CCDC171: variants seen among roughly 807,000 people sequenced by gnomAD.
CCDC171 encodes coiled-coil domain-containing protein 171.
CCDC171 carries 177 observed loss-of-function variants against 168.2 expected under a neutral mutation model. The observed-to-expected ratio is 1.05, with a 90% CI of 0.93 to 1.19. The LOEUF (loss-of-function observed/expected upper bound fraction) is 1.19, where lower values mean the gene tolerates loss of function less well. Ranked by LOEUF, CCDC171 falls within the 50% of genes most tolerant of loss-of-function variation. The probability of loss-of-function intolerance (pLI) is 0.00; values close to 1 mark genes in which losing one functional copy is unlikely to be tolerated. For synonymous variants in CCDC171, 687 were observed against 540.8 expected (o/e 1.27, Z -3.75); for missense variants, 1,991 against 1,539.0 (o/e 1.29, Z -4.91).
intron 1 of CCDC171, among the ~76,000 whole-genome samples, chr9:15,555,070 T>G (rs2038677401): frequency 6.6e-6 from 1 of 152,116 alleles, no homozygotes; most frequent in Non-Finnish European, 1.5e-5. Context: ...GTAGAAAAAT[T>G]TTTTACCAGT....
rs775923053 is a variant in CCDC171 at position 15,777,783 on chromosome 9, C to T, written c.2855C>T (p.Thr952Ile). ...RLAHGLHKVN[T>I]LALKYGLRGH... ...GCCCATGGACTTCATAAAGTAAACA[C>T]ACTGGCCCTGAAATATGGTTTGCGT... is the stretch of plus-strand genomic sequence containing the variant. Residue 952 changes from threonine to isoleucine, a missense_variant, in exon 19 of 26, where the codon ACA (threonine) becomes ATA (isoleucine). Transcript: ENST00000380701. The T allele has an allele frequency of 1.2e-5, 20 of 1,613,090 alleles. 1 individual carries two copies. The South Asian group carries it at 2.1e-4, about 17-fold the overall frequency.
intron 6 of CCDC171, among the ~76,000 whole-genome samples, chr9:15,599,809 T>C (rs1587301285): frequency 6.6e-6 from 1 of 152,322 alleles, no homozygotes; most frequent in East Asian, 1.9e-4. Context: ...TTTGGTCTTT[T>C]CACATAGCCC....
intron 3 of CCDC171, among the ~76,000 whole-genome samples, chr9:15,998,870 C>G (rs1832448379): frequency 6.6e-6 from 1 of 152,178 alleles, no homozygotes. Context: ...AAAACTCTTC[C>G]TCTATCAGAA....
At chr9:16,045,464 A>T (rs1025669108) in intron 1 of CCDC171, among the ~76,000 whole-genome samples, 5 of 151,908 alleles carry the variant, frequency 3.3e-5, no homozygotes, top group Non-Finnish European at 7.4e-5. Flanking sequence ...TGCTGGTAGC[A>T]CTCCTTCCTT....
chr9:15,615,664 T>G (rs1266587918), intron 6 of CCDC171, among the ~76,000 whole-genome samples: 8 of 152,190 alleles, frequency 5.3e-5, no homozygotes, highest in Admixed American at 5.2e-4. Flanking sequence ...AAAAAAGGAT[T>G]AAATTTAAAC....
intron 7 of CCDC171, among the ~76,000 whole-genome samples, chr9:15,646,432 C>T (rs543674796): frequency 6.6e-6 from 1 of 152,274 alleles, no homozygotes; most frequent in South Asian, 2.1e-4. Flanking sequence ...GGGCTAAATG[C>T]TCCAATTAAA....
rs572814325 is a variant in CCDC171, at chr9:15,821,918, A to C, written c.3268-24784A>C. Among the ~76,000 whole-genome samples, 4 of 150,116 alleles carry C rather than the reference A, an allele frequency of 2.7e-5. 1 individual carries two copies. The highest frequency in any genetic ancestry group is 2.0e-4 in the East Asian group (1 of 5,116). ...AGAACAAAGCTGGAGGCATCACGCT[A>C]CCTGACTTCAAACTATACAACAAGG... On this transcript the variant is annotated intron_variant, in intron 21 of 25. Transcript: ENST00000380701.
At chr9:15,593,527 G>A (rs2042139933) in intron 5 of CCDC171, among the ~76,000 whole-genome samples, 1 of 151,926 alleles carries the variant, frequency 6.6e-6, no homozygotes, top group Admixed American at 6.6e-5. Flanking sequence ...TTGTTGCACA[G>A]AATTCTTTTC....
chr9:15,620,707 G>C (rs1355732504), intron 6 of CCDC171, among the ~76,000 whole-genome samples: 1 of 152,230 alleles, frequency 6.6e-6, no homozygotes, highest in Non-Finnish European at 1.5e-5. Context: ...AGGTTCTACT[G>C]CTAGTAAAAT....
At chr9:16,001,627 A>G (rs1350550241) in intron 3 of CCDC171, among the ~76,000 whole-genome samples, 1 of 152,132 alleles carries the variant, frequency 6.6e-6, no homozygotes, top group East Asian at 1.9e-4. Flanking sequence ...TGGTGGTCCC[A>G]TAAGATTATA....
chr9:15,870,428 T>C (rs1005641385), intron 23 of CCDC171, among the ~76,000 whole-genome samples: 4 of 151,910 alleles, frequency 2.6e-5, no homozygotes, highest in Admixed American at 6.6e-5. Context: ...AAAAGGTTTA[T>C]TTTGAAGCAT....
At chr9:16,006,853 C>T (rs1328302481) in intron 3 of CCDC171, among the ~76,000 whole-genome samples, 1 of 152,148 alleles carries the variant, frequency 6.6e-6, no homozygotes, top group Non-Finnish European at 1.5e-5. Context: ...TGGGTTGGTT[C>T]CAAGTCTTTG....
intron 3 of CCDC171, among the ~76,000 whole-genome samples, chr9:15,979,878 T>G (rs1831740605): frequency 6.6e-6 from 1 of 152,086 alleles, no homozygotes; most frequent in Admixed American, 6.6e-5. Flanking sequence ...TTGAACATAC[T>G]TAGAATTTAT....
intron 24 of CCDC171, among the ~76,000 whole-genome samples, chr9:15,896,767 G>C (rs1820961732): frequency 6.6e-6 from 1 of 151,922 alleles, no homozygotes; most frequent in African/African-American, 2.4e-5. Context: ...GCCTGTAATA[G>C]TCATATACAA....
intron 25 of CCDC171, among the ~76,000 whole-genome samples, chr9:15,930,121 A>G (rs140028579): frequency 3.8e-4 from 57 of 151,798 alleles, no homozygotes; most frequent in African/African-American, 1.3e-3. Flanking sequence ...GATTTTAATA[A>G]ATGCTGCTTG....
intron 20 of CCDC171, 76 bp downstream of exon 20, chr9:15,779,226 C>T: frequency 2.4e-6 from 2 of 835,248 alleles, no homozygotes; most frequent in East Asian, 3.3e-5. Flanking sequence ...TTTTCCTTAA[C>T]TTTTGTTATG....
chr9:15,736,437 A>G (rs1388645904), intron 16 of CCDC171, among the ~76,000 whole-genome samples: 1 of 151,786 alleles, frequency 6.6e-6, no homozygotes, highest in Non-Finnish European at 1.5e-5. Context: ...TGCAGCCTCA[A>G]CCTCCCAGGC....
chr9:15,951,209 G>C (rs1045409601), intron 25 of CCDC171, among the ~76,000 whole-genome samples: 4 of 149,936 alleles, frequency 2.7e-5, no homozygotes. Context: ...ACATTGGACA[G>C]ATCAACGAGA....
At chr9:15,641,979 C>G (rs922420581) in intron 7 of CCDC171, among the ~76,000 whole-genome samples, 2 of 152,078 alleles carry the variant, frequency 1.3e-5, no homozygotes, top group African/African-American at 2.4e-5. Flanking sequence ...GCCTGGCCAA[C>G]ATGGTGAAAC....
Sources: gnomAD v4.1 joint callset for allele counts (sites outside exome capture counted in the v4.1 genomes callset) on GRCh38, gnomAD v4.1.1 for gene constraint, MANE v1.5 for transcripts, NCBI Gene and HGNC (gene_info 2026-07-23, HGNC 2026-07-21) for gene names.